CLNK: variants seen among roughly 807,000 people sequenced by gnomAD.
CLNK encodes the protein cytokine-dependent hematopoietic cell linker.
In CLNK, 74 loss-of-function variants were observed where a neutral mutation model predicts 68.6. The observed-to-expected ratio is 1.08, with a 90% CI of 0.89 to 1.31. The LOEUF is 1.31. Among genes scored for constraint, CLNK ranks in the 50% most tolerant of loss-of-function variants. The pLI is 0.00. For synonymous variants in CLNK, 198 were observed against 172.2 expected (o/e 1.15, Z -1.17); for missense variants, 553 against 515.3 (o/e 1.07, Z -0.71).
At chr4:10,505,248 C>A (rs913897109) in intron 17 of CLNK, among the ~76,000 whole-genome samples, 2 of 152,180 alleles carry the variant, frequency 1.3e-5, no homozygotes, top group African/African-American at 4.8e-5. Flanking sequence ...GCCAACCACC[C>A]ACGGCTCTCC....
chr4:10,620,982 C>T (rs978439667), intron 2 of CLNK, among the ~76,000 whole-genome samples: 11 of 150,936 alleles, frequency 7.3e-5, no homozygotes, highest in African/African-American at 2.7e-4. Context: ...TAGTGGTGGG[C>T]ACCTGTAGTC....
chr4:10,555,868 TC>T (rs1326199536), intron 8 of CLNK, among the ~76,000 whole-genome samples: 1 of 152,162 alleles, frequency 6.6e-6, no homozygotes, highest in Non-Finnish European at 1.5e-5. Context: ...CATATTAATT[TC>T]CCCCCTTCCA....
chr4:10,701,760 G>T, the CLNK span, among the ~76,000 whole-genome samples: 1 of 152,224 alleles, frequency 6.6e-6, no homozygotes, highest in South Asian at 2.1e-4. Flanking sequence ...GGCACAGAAA[G>T]GTGAGGTGAT....
intron 1 of CLNK, among the ~76,000 whole-genome samples, chr4:10,681,883 C>A (rs990461684): frequency 6.6e-6 from 1 of 152,048 alleles, no homozygotes; most frequent in Non-Finnish European, 1.5e-5. Context: ...CTTCAGAATC[C>A]GTTTTGTAAA....
intron 8 of CLNK, among the ~76,000 whole-genome samples, chr4:10,546,919 G>A (rs777100649): frequency 5.9e-5 from 9 of 152,192 alleles, no homozygotes; most frequent in Non-Finnish European, 1.3e-4. Context: ...CTGAGGCAGT[G>A]CAGGGGATCA....
intron 11 of CLNK, 49 bp from the exon 12 acceptor site, chr4:10,532,332 C>T (rs1392708431): frequency 6.7e-6 from 10 of 1,486,530 alleles, no homozygotes; most frequent in African/African-American, 5.5e-5. Context: ...TTCATAATGA[C>T]CAAGATAAAA....
At position 10,513,399 on chromosome 4, in the gene CLNK, T is replaced by G; in HGVS notation, c.906+65A>C. On this transcript the variant is annotated intron_variant, in intron 16 of 18. Coordinates refer to ENST00000226951, the MANE Select transcript of CLNK (RefSeq NM_052964.4). ...TAAATAATCTCCTTTTGGGCATTGT[T>G]CAGGAAAGCTCTATTTAGATGCCAA... 3 of 1,494,618 alleles carry G rather than the reference T, an allele frequency of 2.0e-6. No individual in the cohort carries two copies. The South Asian group carries it at 3.7e-5, about 19-fold the overall frequency. 92.6% of individuals were successfully genotyped at this position (1,494,618 alleles called of 1,614,324 possible).
At chr4:10,553,145 A>T (rs1398102688) in intron 8 of CLNK, among the ~76,000 whole-genome samples, 1 of 152,174 alleles carries the variant, frequency 6.6e-6, no homozygotes, top group African/African-American at 2.4e-5. Flanking sequence ...CAAACAATGG[A>T]TCATTTATAA....
chr4:10,502,113 G>A (rs1440288828), intron 17 of CLNK, among the ~76,000 whole-genome samples: 4 of 152,174 alleles, frequency 2.6e-5, no homozygotes, highest in Admixed American at 1.3e-4. Context: ...CTGCTTTGGG[G>A]CTCCCAGATT....
chr4:10,665,388 G>A (rs897236091), intron 2 of CLNK, among the ~76,000 whole-genome samples: 5 of 152,086 alleles, frequency 3.3e-5, no homozygotes, highest in East Asian at 1.9e-4. Context: ...ACATAGAGTC[G>A]GGCGCGGTGG....
rs944122026 is a variant in CLNK, at chr4:10,552,156, G to A, written c.445+6251C>T. On this transcript the variant is annotated intron_variant, in intron 8 of 18. Transcript: ENST00000226951. ...CAGGTGTGAGCCACCACGCCCGGCC[G>A]AGAATTATAATATTAATAGTAAGCC... Among the ~76,000 whole-genome samples the A allele has an allele frequency of 6.6e-5, 10 of 151,828 alleles. No individual in the cohort carries two copies. In the South Asian group the frequency reaches 1.9e-3, roughly 28 times the overall value.
At chr4:10,553,943 G>A (rs1039824383) in intron 8 of CLNK, among the ~76,000 whole-genome samples, 8 of 152,200 alleles carry the variant, frequency 5.3e-5, no homozygotes, top group Non-Finnish European at 1.0e-4. Context: ...GGTAGGGTGT[G>A]CTTCCTGGGA....
intron 7 of CLNK, among the ~76,000 whole-genome samples, chr4:10,559,393 T>G (rs368364535): frequency 2.0e-5 from 3 of 152,166 alleles, no homozygotes. Context: ...TTGGATTATT[T>G]TTTTTTATCG....
intron 2 of CLNK, among the ~76,000 whole-genome samples, chr4:10,647,473 T>C (rs1238534341): frequency 6.6e-6 from 1 of 152,206 alleles, no homozygotes; most frequent in East Asian, 1.9e-4. Flanking sequence ...CTTTTATTTG[T>C]TGAAATTAAT....
intron 2 of CLNK, among the ~76,000 whole-genome samples, chr4:10,667,417 T>A (rs75572696): frequency 1.5e-4 from 10 of 67,408 alleles, no homozygotes; most frequent in Admixed American, 5.1e-4. Context: ...AGGGATGGCA[T>A]TTTTTTTTTT....
At chr4:10,604,371 CTGTAAGGGTGCCAGG>C (rs1721708403) in intron 2 of CLNK, among the ~76,000 whole-genome samples, 4 of 152,166 alleles carry the variant, frequency 2.6e-5, no homozygotes, top group Admixed American at 2.0e-4. Context: ...GATCCCTAAG[CTGTAAGGGTGCCAGG>C]TGTAAACTTC....
At chr4:10,542,540 G>A (rs1453627619) in intron 8 of CLNK, among the ~76,000 whole-genome samples, 3 of 151,994 alleles carry the variant, frequency 2.0e-5, no homozygotes, top group East Asian at 1.9e-4. Flanking sequence ...CTCACCCAGC[G>A]AGTAAATGGT....
At chr4:10,554,549 G>GA (rs111802879) in intron 8 of CLNK, among the ~76,000 whole-genome samples, 5 of 152,022 alleles carry the variant, frequency 3.3e-5, no homozygotes, top group East Asian at 1.9e-4. Flanking sequence ...TTGGTAGTGA[G>GA]AAAAAATACT....
chr4:10,702,631 G>A, the CLNK span, among the ~76,000 whole-genome samples: 1 of 152,192 alleles, frequency 6.6e-6, no homozygotes, highest in African/African-American at 2.4e-5. Context: ...GCATTCTGGA[G>A]GAGGTAGTCG....
Sources: allele counts gnomAD v4.1 joint callset (sites outside exome capture counted in the v4.1 genomes callset), GRCh38; gene constraint gnomAD v4.1.1; transcripts MANE v1.5; gene names NCBI Gene and HGNC (gene_info 2026-07-23, HGNC 2026-07-21).